The following MLLT3 variants were observed in gnomAD, a reference collection of about 807,000 sequenced individuals.
The protein encoded by MLLT3 is MLLT3 super elongation complex subunit.
Under a neutral mutation model 53.2 loss-of-function variants are expected in MLLT3, and 4 were observed. The observed-to-expected ratio is 0.08, with a 90% CI of 0.04 to 0.17. The LOEUF is 0.17. Ranked by LOEUF, MLLT3 falls within the 10% of genes least tolerant of loss-of-function variation. The pLI is 1.00. For synonymous variants in MLLT3, 283 were observed against 230.6 expected, an observed-to-expected ratio of 1.23 and a Z score of -2.06; for missense variants, 569 against 684.0, an observed-to-expected ratio of 0.83 and a Z score of 1.87.
intron 2 of MLLT3, among the ~76,000 whole-genome samples, chr9:20,553,060 C>A (rs912377899): frequency 1.3e-5 from 2 of 152,182 alleles, no homozygotes; most frequent in African/African-American, 4.8e-5. Context: ...AGAATCTGAT[C>A]TTTTATTATG....
At chr9:20,460,829 A>C (rs1824087696) in intron 2 of MLLT3, among the ~76,000 whole-genome samples, 1 of 152,214 alleles carries the variant, frequency 6.6e-6, no homozygotes, top group African/African-American at 2.4e-5. Context: ...AATCAACATA[A>C]ACTTTTAAAG....
intron 4 of MLLT3, among the ~76,000 whole-genome samples, chr9:20,434,113 T>C (rs1163092324): frequency 1.3e-5 from 2 of 151,800 alleles, no homozygotes; most frequent in Admixed American, 1.3e-4. Context: ...GAGTGAGACT[T>C]CATCTCAAAA....
At chr9:20,467,489 A>C (rs1824265537) in intron 2 of MLLT3, among the ~76,000 whole-genome samples, 1 of 152,204 alleles carries the variant, frequency 6.6e-6, no homozygotes, top group African/African-American at 2.4e-5. Context: ...GACGCAGGAG[A>C]ATCGCTTGAA....
chr9:20,414,312 ACTGCTGCTGCTGCTGCTGCTG>A lies in MLLT3; in HGVS notation c.513_533del (p.Ser184_Ser190del), dbSNP rs747298605. ...TGCTGCTGCTGCTACTGCTGCTGCT[ACTGCTGCTGCTGCTGCTGCTG>A]CTGCTGCTGCTACTGCTGCTGCTGC... On this transcript the variant is annotated inframe_deletion, in exon 5 of 11. Transcript: ENST00000380338. 6.7e-7 allele frequency: 1 copy of A among 1,485,848 alleles called. No individual in the cohort carries two copies. The highest frequency in any genetic ancestry group is 1.4e-5 in the African/African-American group (1 of 70,294). The allele number at this position is 1,485,848 out of a possible 1,614,324, so 92.0% of individuals were successfully genotyped here. A position where few individuals can be genotyped will look rare whatever the true frequency, so the allele number is the denominator to read the frequency against.
intron 2 of MLLT3, among the ~76,000 whole-genome samples, chr9:20,466,482 G>GC (rs1824240937): frequency 6.6e-6 from 1 of 152,050 alleles, no homozygotes; most frequent in Non-Finnish European, 1.5e-5. Flanking sequence ...AGAGTATGGG[G>GC]TTTTTTTGCT....
chr9:20,405,351 C>A (rs564591522), intron 5 of MLLT3, among the ~76,000 whole-genome samples: 12 of 152,198 alleles, frequency 7.9e-5, no homozygotes, highest in Admixed American at 7.9e-4. Context: ...GGCACCACTA[C>A]CAGATGGTCA....
intron 5 of MLLT3, among the ~76,000 whole-genome samples, chr9:20,385,986 G>C (rs964390179): frequency 4.6e-5 from 7 of 152,126 alleles, no homozygotes; most frequent in Non-Finnish European, 1.0e-4. Context: ...CTTTAGTGAA[G>C]AGGACAATCA....
intron 3 of MLLT3, among the ~76,000 whole-genome samples, chr9:20,449,526 C>T (rs763174581): frequency 5.9e-5 from 9 of 152,198 alleles, no homozygotes; most frequent in Non-Finnish European, 1.3e-4. Context: ...ATTCTCGCTG[C>T]TCTCTTTGGG....
intron 4 of MLLT3, among the ~76,000 whole-genome samples, chr9:20,441,000 G>C (rs1823535401): frequency 6.6e-6 from 1 of 151,966 alleles, no homozygotes; most frequent in Non-Finnish European, 1.5e-5. Flanking sequence ...AAAGAAATGG[G>C]GCACACCTTC....
At chr9:20,384,277 G>C (rs1009337873) in intron 5 of MLLT3, among the ~76,000 whole-genome samples, 2 of 151,996 alleles carry the variant, frequency 1.3e-5, no homozygotes, top group African/African-American at 4.8e-5. Context: ...ACAGAGGTGG[G>C]CCAAAACCTC....
chr9:20,394,716 G>T (rs999964222), intron 5 of MLLT3, among the ~76,000 whole-genome samples: 1 of 152,082 alleles, frequency 6.6e-6, no homozygotes, highest in Non-Finnish European at 1.5e-5. Context: ...GATACACTTT[G>T]TAACAAACAT....
At chr9:20,451,191 G>A (rs1013178527) in intron 3 of MLLT3, among the ~76,000 whole-genome samples, 1 of 152,038 alleles carries the variant, frequency 6.6e-6, no homozygotes, top group Non-Finnish European at 1.5e-5. Flanking sequence ...CAATCTCTAC[G>A]CTGACACACA....
chr9:20,357,182 G>A (rs929916696), intron 8 of MLLT3, among the ~76,000 whole-genome samples: 1 of 152,188 alleles, frequency 6.6e-6, no homozygotes, highest in African/African-American at 2.4e-5. Flanking sequence ...AGGCTGATAG[G>A]TGATTTATGA....
At chr9:20,455,542 G>A (rs1823945315) in intron 3 of MLLT3, among the ~76,000 whole-genome samples, 1 of 152,078 alleles carries the variant, frequency 6.6e-6, no homozygotes, top group African/African-American at 2.4e-5. Flanking sequence ...TTTCTAACCT[G>A]CCCTTAGGGT....
chr9:20,371,643 T>A (rs529183980), intron 5 of MLLT3, among the ~76,000 whole-genome samples: 1 of 152,296 alleles, frequency 6.6e-6, no homozygotes, highest in South Asian at 2.1e-4. Context: ...CAATAAAAGA[T>A]CCGTTTCAAA....
At chr9:20,595,775 T>G (rs1352305323) in intron 2 of MLLT3, among the ~76,000 whole-genome samples, 1 of 152,162 alleles carries the variant, frequency 6.6e-6, no homozygotes, top group Non-Finnish European at 1.5e-5. Context: ...ATATAAAAAG[T>G]CTTATCAGAT....
At chr9:20,411,934 G>A (rs1822738723) in intron 5 of MLLT3, 1 of 151,958 alleles carries the variant, frequency 6.6e-6, no homozygotes, top group Non-Finnish European at 1.5e-5. Context: ...TCAAAATTTT[G>A]ACCACTATAA....
chr9:20,394,358 G>A (rs28698159), intron 5 of MLLT3, among the ~76,000 whole-genome samples: 1 of 152,228 alleles, frequency 6.6e-6, no homozygotes, highest in Admixed American at 6.5e-5. Flanking sequence ...AAGATGAGCC[G>A]CAGCTTTAAG....
chr9:20,363,747 T>C lies in MLLT3; in HGVS notation c.1202-142A>G, dbSNP rs1821383144. The C allele has an allele frequency of 5.7e-6, 4 of 697,518 alleles. No homozygotes were observed. The South Asian group carries it at 2.5e-4, about 44-fold the overall frequency. 43.2% of individuals were successfully genotyped at this position (697,518 alleles called of 1,614,324 possible). On this transcript the variant is annotated intron_variant, in intron 6 of 10. Transcript: ENST00000380338. ...ATATTTATACAATTTACAAGGCAAA[T>C]TTGGTATAGTTTCTAAAATGCAATC... is the stretch of plus-strand genomic sequence containing the variant.
Sources: allele counts gnomAD v4.1 joint callset (sites outside exome capture counted in the v4.1 genomes callset), GRCh38; gene constraint gnomAD v4.1.1; transcripts MANE v1.5; gene names NCBI Gene and HGNC (gene_info 2026-07-23, HGNC 2026-07-21).